The following ALDH1L1 variants were observed in gnomAD, a reference collection of about 807,000 sequenced individuals.
The protein encoded by ALDH1L1 is cytosolic 10-formyltetrahydrofolate dehydrogenase.
Under a neutral mutation model 101.1 loss-of-function variants are expected in ALDH1L1, and 68 were observed. The observed-to-expected ratio is 0.67, with a 90% CI of 0.55 to 0.82. ALDH1L1 has a LOEUF of 0.82. Ranked by LOEUF, ALDH1L1 falls within the 40% of genes least tolerant of loss-of-function variation. The pLI is 0.00. For missense variants in ALDH1L1, 1,087 were observed against 1,172.7 expected (o/e 0.93, Z 1.07); for synonymous variants, 486 against 470.8 (o/e 1.03, Z -0.42).
intron 1 of ALDH1L1, among the ~76,000 whole-genome samples, chr3:126,162,289 T>C (rs2081075549): frequency 1.3e-5 from 2 of 152,220 alleles, no homozygotes; most frequent in Non-Finnish European, 2.9e-5. Flanking sequence ...CGCTGCCAGT[T>C]TTCCAGAGTG....
chr3:126,139,001 A>AC (rs1303869458), intron 9 of ALDH1L1, among the ~76,000 whole-genome samples: 4 of 152,064 alleles, frequency 2.6e-5, no homozygotes, highest in Non-Finnish European at 4.4e-5. Flanking sequence ...ATTGGCTGTC[A>AC]CCCCCCACCT....
chr3:126,171,212 C>T (rs1288885852), intron 1 of ALDH1L1, among the ~76,000 whole-genome samples: 1 of 152,146 alleles, frequency 6.6e-6, no homozygotes, highest in Non-Finnish European at 1.5e-5. Context: ...GCAGGAAAAT[C>T]GCTTGAACCT....
intron 17 of ALDH1L1, chr3:126,114,993 T>A (rs550455161): frequency 4.3e-6 from 2 of 467,660 alleles, no homozygotes; most frequent in Non-Finnish European, 8.5e-6. Context: ...GTGCACCCCA[T>A]CTGCTGTCCT....
intron 15 of ALDH1L1, among the ~76,000 whole-genome samples, chr3:126,125,019 C>T (rs1400363197): frequency 6.6e-6 from 1 of 152,180 alleles, no homozygotes; most frequent in Non-Finnish European, 1.5e-5. Flanking sequence ...AGGCAGCGGG[C>T]AGGCTGTCAT....
At chr3:126,112,943 G>A (rs1457740300) in intron 18 of ALDH1L1, 63 bp from the exon 19 acceptor site, 5 of 1,503,316 alleles carry the variant, frequency 3.3e-6, no homozygotes, top group Non-Finnish European at 4.6e-6. Context: ...CCCCGGCTCT[G>A]CCAGGGCCCA....
intron 1 of ALDH1L1, among the ~76,000 whole-genome samples, chr3:126,165,782 T>C (rs1222111010): frequency 6.6e-6 from 1 of 152,214 alleles, no homozygotes; most frequent in Non-Finnish European, 1.5e-5. Flanking sequence ...ATCTTTGCCA[T>C]TTTTGACTAT....
chr3:126,174,120 C>T (rs563449789), intron 1 of ALDH1L1, among the ~76,000 whole-genome samples: 7 of 152,286 alleles, frequency 4.6e-5, no homozygotes, highest in Admixed American at 6.5e-5. Flanking sequence ...CTCACTGCAA[C>T]CTCCGCCTCC....
intron 20 of ALDH1L1, 46 bp from the exon 21 acceptor site, chr3:126,107,292 C>T (rs769581839): frequency 3.4e-5 from 51 of 1,503,970 alleles, no homozygotes; most frequent in East Asian, 2.7e-4. Context: ...ACACGGTGCC[C>T]GATGGTCCAG....
chr3:126,161,653 T>C (rs1349392930), intron 1 of ALDH1L1, among the ~76,000 whole-genome samples: 2 of 152,252 alleles, frequency 1.3e-5, no homozygotes, highest in East Asian at 3.8e-4. Context: ...CTCACGCATA[T>C]CTGTAAAACC....
chr3:126,110,247 G>T, intron 19 of ALDH1L1, 138 bp from the exon 20 acceptor site: 1 of 1,142,832 alleles, frequency 8.8e-7, no homozygotes, highest in Non-Finnish European at 1.2e-6. Flanking sequence ...TCTGAATTCT[G>T]ACTCTAAATC....
upstream of ALDH1L1, among the ~76,000 whole-genome samples, chr3:126,183,633 G>A (rs1453237670): frequency 6.6e-6 from 1 of 152,190 alleles, no homozygotes; most frequent in African/African-American, 2.4e-5. Context: ...ACTCCTGCAT[G>A]CCTCCTGTCC....
At chr3:126,115,938 T>C (rs780372514) in intron 17 of ALDH1L1, among the ~76,000 whole-genome samples, 17 of 151,084 alleles carry the variant, frequency 1.1e-4, no homozygotes, top group Non-Finnish European at 2.2e-4. Context: ...AGTGGTGTGA[T>C]CTCAGCTTAC....
chr3:126,133,785 G>C (rs903194177), intron 12 of ALDH1L1, among the ~76,000 whole-genome samples: 3 of 152,148 alleles, frequency 2.0e-5, no homozygotes, highest in African/African-American at 7.2e-5. Flanking sequence ...GGCTCGGCCG[G>C]CCCTACTGAC....
upstream of ALDH1L1, chr3:126,180,757 G>T (rs2081462225): frequency 8.4e-6 from 12 of 1,436,874 alleles, no homozygotes; most frequent in Admixed American, 2.7e-5. Context: ...AGCCAACCCC[G>T]CAGGGGCCTG....
chr3:126,120,660 C>T (rs751322458), intron 16 of ALDH1L1, among the ~76,000 whole-genome samples: 6 of 152,068 alleles, frequency 3.9e-5, no homozygotes, highest in Non-Finnish European at 8.8e-5. Context: ...TCCTCTGGTG[C>T]TGGATATTAG....
intron 20 of ALDH1L1, 62 bp downstream of exon 20, chr3:126,109,882 C>G: frequency 1.3e-6 from 2 of 1,592,384 alleles, no homozygotes; most frequent in Admixed American, 1.7e-5. Flanking sequence ...GGACAGGGAA[C>G]CAGAGGCCAT....
At chr3:126,133,842 T>C (rs2080363689) in intron 12 of ALDH1L1, among the ~76,000 whole-genome samples, 1 of 152,166 alleles carries the variant, frequency 6.6e-6, no homozygotes, top group Admixed American at 6.5e-5. Context: ...TGGACCACAG[T>C]GGTATCTGGG....
In ALDH1L1 at chr3:126,158,475, G is replaced by C. The variant is rs1282047313; in HGVS notation, c.292C>G (p.Pro98Ala). Residue 98 changes from proline (P) to alanine (A), a missense_variant, in exon 3 of 23, where the codon CCC becomes GCC. Physicochemically the swap from Pro to Ala is conservative, Grantham distance 27 (BLOSUM62 -1). This residue lies in a region of ALDH1L1 where 645 missense variants were observed against 637.0 expected (regional missense o/e 1.01). Coordinates refer to ENST00000393434, the MANE Select transcript of ALDH1L1 (RefSeq NM_012190.4). ...TGATAGATGATGGAGCCATGCCGGG[G>C]GGCACTGATTATCTCCATGGGGATG... ...QFIPMEIISA[P>A]RHGSIIYHPS... The C allele has an allele frequency of 6.2e-7, 1 of 1,613,978 alleles. No homozygotes were observed. The highest frequency in any genetic ancestry group is 1.3e-5 in the African/African-American group (1 of 75,046).
intron 14 of ALDH1L1, among the ~76,000 whole-genome samples, chr3:126,127,686 G>A (rs747555183): frequency 3.9e-5 from 6 of 152,216 alleles, no homozygotes; most frequent in Non-Finnish European, 7.3e-5. Context: ...GGTTGCGGTG[G>A]CACTGGCCAG....
Sources: allele counts gnomAD v4.1 joint callset (sites outside exome capture counted in the v4.1 genomes callset), GRCh38; gene constraint gnomAD v4.1.1; regional missense constraint gnomAD v4.1.1; transcripts MANE v1.5; gene names NCBI Gene and HGNC (gene_info 2026-07-23, HGNC 2026-07-21).